Variants in SINHCAF observed in about 807,000 individuals in gnomAD.
SINHCAF encodes SIN3-HDAC complex associated factor.
A neutral mutation model predicts 25.8 loss-of-function variants in SINHCAF; 3 were observed. The observed-to-expected ratio is 0.12, with a 90% CI of 0.05 to 0.30. The LOEUF (loss-of-function observed/expected upper bound fraction) is 0.30. SINHCAF is among the 10% of genes least tolerant of loss of function. The probability of loss-of-function intolerance (pLI) is 1.00; values close to 1 mark genes in which losing one functional copy is unlikely to be tolerated. For missense variants in SINHCAF, 121 were observed against 262.3 expected, an observed-to-expected ratio of 0.46 and a Z score of 3.72; for synonymous variants, 70 against 85.5, an observed-to-expected ratio of 0.82 and a Z score of 1.00.
Position 31,316,808 on chromosome 12 carries a change from T to C in SINHCAF, c.-21+9216A>G, listed in dbSNP as rs141768253. Among the ~76,000 whole-genome samples the C allele has an allele frequency of 6.1e-3, 923 of 152,304 alleles. 13 individuals are homozygous for C. Among genetic ancestry groups the C allele is most frequent in the African/African-American group, 0.021 (876 of 41,570 alleles). Reference sequence around the variant, plus strand: ...TACTGAAATGCAAATTTTAGAGCTTTAGTACCCTTTTTAATATGGAATAGG... The same window carrying C: ...TACTGAAATGCAAATTTTAGAGCTTCAGTACCCTTTTTAATATGGAATAGG... On this transcript the variant is annotated intron_variant, in intron 1 of 5. Coordinates refer to ENST00000337682, the MANE Select transcript of SINHCAF (RefSeq NM_001135812.2).
rs1162044215 is a variant in SINHCAF, at chr12:31,281,356, A to G, written c.*1356T>C. 6.6e-6 allele frequency: 1 copy of G among 152,256 alleles called. No individual in the cohort carries two copies. Among genetic ancestry groups the G allele is most frequent in the Non-Finnish European group, 1.5e-5 (1 of 68,044 alleles). The allele number at this position is 152,256 out of a possible 1,614,324, so 9.4% of individuals were successfully genotyped here. Reference sequence around the variant, plus strand: ...ACCAAAACCATTTAATGTGAACACAAACCTCTTTTCTTTTAGTAAGTTTTA... The same window carrying G: ...ACCAAAACCATTTAATGTGAACACAGACCTCTTTTCTTTTAGTAAGTTTTA... On this transcript the variant is annotated 3_prime_UTR_variant, in exon 6 of 6. Coordinates refer to ENST00000337682, the MANE Select transcript of SINHCAF (RefSeq NM_001135812.2).
chr12:31,293,190 T>C (rs1490267423), intron 4 of SINHCAF, among the ~76,000 whole-genome samples: 1 of 152,216 alleles, frequency 6.6e-6, no homozygotes, highest in Admixed American at 6.5e-5. Flanking sequence ...AATAACATTA[T>C]ATGCAGTGTA....
chr12:31,311,977 G>T, intron 1 of SINHCAF: 1 of 699,140 alleles, frequency 1.4e-6, no homozygotes, highest in Non-Finnish European at 2.5e-6. Context: ...CTTTGTTTAT[G>T]GTAGCCTTTC....
At chr12:31,302,652 G>A (rs1038827099) in intron 1 of SINHCAF, among the ~76,000 whole-genome samples, 5 of 151,500 alleles carry the variant, frequency 3.3e-5, no homozygotes, top group Admixed American at 2.6e-4. Flanking sequence ...TAAACAGGGG[G>A]ATACCTGCAG....
chr12:31,299,918 G>A (rs1040221989), intron 1 of SINHCAF, among the ~76,000 whole-genome samples: 2 of 152,164 alleles, frequency 1.3e-5, no homozygotes, highest in Non-Finnish European at 2.9e-5. Context: ...ACTGAATGCC[G>A]TGGGCAACTG....
intron 1 of SINHCAF, among the ~76,000 whole-genome samples, chr12:31,320,296 A>T (rs1939649544): frequency 6.6e-6 from 1 of 152,176 alleles, no homozygotes; most frequent in African/African-American, 2.4e-5. Flanking sequence ...TTTAATAACT[A>T]GCCACCCTCT....
chr12:31,288,396 C>A (rs1938163155), intron 4 of SINHCAF, among the ~76,000 whole-genome samples: 1 of 152,186 alleles, frequency 6.6e-6, no homozygotes, highest in Admixed American at 6.5e-5. Flanking sequence ...GAAGAGCCTA[C>A]ATTTCCACCC....
chr12:31,285,888 T>C (rs764690050), intron 5 of SINHCAF, among the ~76,000 whole-genome samples: 13 of 151,730 alleles, frequency 8.6e-5, no homozygotes, highest in East Asian at 3.9e-4. Context: ...GGTGGGAGAA[T>C]TGCCTGAGCC....
At chr12:31,292,132 A>G (rs932614954) in intron 4 of SINHCAF, among the ~76,000 whole-genome samples, 1 of 152,272 alleles carries the variant, frequency 6.6e-6, no homozygotes, top group Admixed American at 6.5e-5. Flanking sequence ...AGGGCTAAGA[A>G]TATACATATG....
Position 31,285,420 on chromosome 12 carries a change from C to T in SINHCAF, c.506+2214G>A, listed in dbSNP as rs78703215. Among the ~76,000 whole-genome samples, 1,086 of 132,944 alleles carry T rather than the reference C, an allele frequency of 8.2e-3. 16 individuals carry two copies. The highest frequency in any genetic ancestry group is 0.032 in the African/African-American group (984 of 30,864). 87.2% of individuals were successfully genotyped at this position (132,944 alleles called of 152,430 possible). A position where few individuals can be genotyped will look rare whatever the true frequency, so the allele number is the denominator to read the frequency against. On this transcript the variant is annotated intron_variant, in intron 5 of 5. Coordinates refer to ENST00000337682, the MANE Select transcript of SINHCAF (RefSeq NM_001135812.2). ...AGACATATATTTATATATATACATA[C>T]ACACACACACACACACACACACACA...
chr12:31,284,276 T>C (rs892816894), intron 5 of SINHCAF, among the ~76,000 whole-genome samples: 1 of 152,202 alleles, frequency 6.6e-6, no homozygotes, highest in African/African-American at 2.4e-5. Context: ...GAAATTTTAC[T>C]TTGTATTTCC....
rs544237118 is a variant in SINHCAF at position 31,280,971 on chromosome 12, G to A, written c.*1741C>T. Reference sequence around the variant, plus strand: ...TCACTGTATAGTCTGTGCATATGGTGGCTTGTAGCATGTAGGTTTTTTCCA... The same window carrying A: ...TCACTGTATAGTCTGTGCATATGGTAGCTTGTAGCATGTAGGTTTTTTCCA... On this transcript the variant is annotated 3_prime_UTR_variant, in exon 6 of 6. Coordinates refer to ENST00000337682, the MANE Select transcript of SINHCAF (RefSeq NM_001135812.2). 2.1e-3 allele frequency: 319 copies of A among 152,206 alleles called. No individual in the cohort carries two copies. The highest frequency in any genetic ancestry group is 7.3e-3 in the African/African-American group (305 of 41,542). 9.4% of individuals were successfully genotyped at this position (152,206 alleles called of 1,614,324 possible). A position where few individuals can be genotyped will look rare whatever the true frequency, so the allele number is the denominator to read the frequency against.
chr12:31,318,193 G>A (rs1266538329), intron 1 of SINHCAF, among the ~76,000 whole-genome samples: 1 of 152,118 alleles, frequency 6.6e-6, no homozygotes, highest in Non-Finnish European at 1.5e-5. Flanking sequence ...CCGCGGCTAG[G>A]CTATTTGGCT....
chr12:31,284,263 A>G (rs149872735), intron 5 of SINHCAF, among the ~76,000 whole-genome samples: 7 of 152,298 alleles, frequency 4.6e-5, no homozygotes, highest in African/African-American at 1.7e-4. Context: ...ATGGTATCTC[A>G]TTGAAATTTT....
intron 5 of SINHCAF, among the ~76,000 whole-genome samples, chr12:31,285,412 T>TAC (rs1259370271): frequency 1.5e-5 from 1 of 66,434 alleles, no homozygotes; most frequent in Non-Finnish European, 2.9e-5. Flanking sequence ...TATTTATATA[T>TAC]ATACATACAC....
intron 1 of SINHCAF, among the ~76,000 whole-genome samples, chr12:31,311,130 G>A (rs1044804878): frequency 6.6e-6 from 1 of 152,126 alleles, no homozygotes; most frequent in Non-Finnish European, 1.5e-5. Context: ...GCCTCCCAAA[G>A]TGTCCGGCCG....
chr12:31,291,105 T>G (rs530148260), intron 4 of SINHCAF, among the ~76,000 whole-genome samples: 38 of 152,190 alleles, frequency 2.5e-4, no homozygotes, highest in Admixed American at 2.0e-3. Context: ...GTAGGGACAA[T>G]GGGCAAAGTC....
chr12:31,324,886 T>G lies in SINHCAF; in HGVS notation c.-21+1138A>C, dbSNP rs1331508189. The stretch of plus-strand genomic sequence containing the variant: ...TATCCGCCCCGCACGGGCGGAGAGT[T>G]GGCGACTTTCACTCTGCTTTTTAAA... On this transcript the variant is annotated intron_variant, in intron 1 of 5. Transcript: ENST00000337682. The surrounding 1 kb of genome is among the most constrained non-coding windows in gnomAD (Gnocchi z 5.5). The G allele has an allele frequency of 2.3e-6, 1 of 443,366 alleles. No individual in the cohort carries two copies. The highest frequency in any genetic ancestry group is 3.3e-4 in the Middle Eastern group (1 of 3,038). 27.5% of individuals were successfully genotyped at this position (443,366 alleles called of 1,614,324 possible).
At chr12:31,284,518 T>C (rs563754894) in intron 5 of SINHCAF, among the ~76,000 whole-genome samples, 2 of 152,078 alleles carry the variant, frequency 1.3e-5, no homozygotes, top group Non-Finnish European at 2.9e-5. Flanking sequence ...AACCTGGAGG[T>C]TTTTTTAAAT....
Sources: gnomAD v4.1 joint callset for allele counts (sites outside exome capture counted in the v4.1 genomes callset) on GRCh38, gnomAD v4.1.1 for gene constraint, Gnocchi (gnomAD v3.1) non-coding constraint, MANE v1.5 for transcripts, NCBI Gene and HGNC (gene_info 2026-07-23, HGNC 2026-07-21) for gene names.